The following CHL1 variants were observed in gnomAD, a reference collection of about 807,000 sequenced individuals.
The protein encoded by CHL1 is cell adhesion molecule L1 like, also known as neural cell adhesion molecule L1-like protein.
Under a neutral mutation model 141.9 loss-of-function variants are expected in CHL1, and 96 were observed. The observed-to-expected ratio is 0.68, with a 90% confidence interval of 0.57 to 0.80. The LOEUF (loss-of-function observed/expected upper bound fraction) is 0.80. Among genes scored for constraint, CHL1 ranks in the 30% least tolerant of loss-of-function variants. CHL1 has a pLI of 0.00. For missense variants in CHL1, 1,820 were observed against 1,457.2 expected, an observed-to-expected ratio of 1.25 and a Z score of -4.05; for synonymous variants, 613 against 502.2, an observed-to-expected ratio of 1.22 and a Z score of -2.95.
chr3:237,519 T>A (rs1046765592), intron 1 of CHL1, among the ~76,000 whole-genome samples: 2 of 152,110 alleles, frequency 1.3e-5, no homozygotes, highest in African/African-American at 2.4e-5. Flanking sequence ...CAGTATGGAG[T>A]CCTTTTCTCA....
intron 26 of CHL1, among the ~76,000 whole-genome samples, chr3:401,090 C>T (rs912062434): frequency 3.9e-5 from 6 of 151,912 alleles, no homozygotes; most frequent in Non-Finnish European, 8.8e-5. Context: ...TTAATAGAGA[C>T]AGGGTCTTGC....
At chr3:377,730 G>A (rs142569385) in intron 15 of CHL1, 88 bp from the exon 16 acceptor site, 6 of 1,147,266 alleles carry the variant, frequency 5.2e-6, no homozygotes, top group Middle Eastern at 2.2e-4. Flanking sequence ...GATTGTTTTC[G>A]ATAAGGAATA....
rs372700205 is a variant in CHL1 at position 275,189 on chromosome 3, G to T, written c.-95+30497G>T. On this transcript the variant is annotated intron_variant, in intron 2 of 27. Transcript: ENST00000256509. The stretch of plus-strand genomic sequence containing the variant: ...GTGAGTGATTGCCCAAGTGTACACA[G>T]CTGCTAAGTGGTAGGGGTCAGGCTC... Among the ~76,000 whole-genome samples, 244 of 152,342 alleles carry T rather than the reference G, an allele frequency of 1.6e-3. 1 individual carries two copies. The highest frequency in any genetic ancestry group is 5.6e-3 in the African/African-American group (234 of 41,582).
chr3:381,399 T>C (rs1231027948), intron 16 of CHL1, among the ~76,000 whole-genome samples: 1 of 152,144 alleles, frequency 6.6e-6, no homozygotes, highest in East Asian at 1.9e-4. Flanking sequence ...GGAAGACACT[T>C]ATCTGCAGGG....
At chr3:403,478 C>T (rs1426467154) in intron 27 of CHL1, among the ~76,000 whole-genome samples, 6 of 151,968 alleles carry the variant, frequency 3.9e-5, no homozygotes, top group South Asian at 2.1e-4. Flanking sequence ...ACTCAGGAGG[C>T]GGAGGTTGCA....
chr3:339,519 A>T (rs768538737), intron 5 of CHL1, among the ~76,000 whole-genome samples: 2 of 152,204 alleles, frequency 1.3e-5, no homozygotes, highest in African/African-American at 2.4e-5. Flanking sequence ...CCACTAAAGG[A>T]CTGTCACATG....
chr3:206,369 G>A (rs951195369), intron 1 of CHL1, among the ~76,000 whole-genome samples: 4 of 152,136 alleles, frequency 2.6e-5, no homozygotes, highest in African/African-American at 9.7e-5. Flanking sequence ...AGGAGGCTGA[G>A]GCAGGAGAAT....
chr3:278,059 T>C (rs1696313156), intron 2 of CHL1, among the ~76,000 whole-genome samples: 1 of 152,226 alleles, frequency 6.6e-6, no homozygotes, highest in Non-Finnish European at 1.5e-5. Context: ...TGCCCAGTAC[T>C]TCCTCAACTC....
At chr3:378,776 A>C (rs1388437956) in intron 16 of CHL1, among the ~76,000 whole-genome samples, 1 of 152,052 alleles carries the variant, frequency 6.6e-6, no homozygotes, top group Non-Finnish European at 1.5e-5. Flanking sequence ...GTCTCCTCAC[A>C]CCATTCCTTC....
intron 2 of CHL1, among the ~76,000 whole-genome samples, chr3:293,347 C>CA (rs1249618327): frequency 6.6e-6 from 1 of 151,866 alleles, no homozygotes; most frequent in Non-Finnish European, 1.5e-5. Flanking sequence ...ACTAAAAATA[C>CA]AAAAAATTAG....
intron 26 of CHL1, 34 bp from the exon 27 acceptor site, chr3:401,592 G>A: frequency 1.6e-6 from 2 of 1,243,668 alleles, no homozygotes; most frequent in South Asian, 1.2e-5. Flanking sequence ...AATGGTCACT[G>A]TATTACTTTT....
intron 15 of CHL1, among the ~76,000 whole-genome samples, chr3:371,339 G>T (rs4586791): frequency 0.26 from 39,064 of 152,012 alleles, 5,426 homozygotes; most frequent in East Asian, 0.43. Flanking sequence ...TGGTTGAATT[G>T]TTCCCTTTAC....
intron 10 of CHL1, among the ~76,000 whole-genome samples, chr3:350,159 CATT>C (rs1372186468): frequency 6.6e-6 from 1 of 152,144 alleles, no homozygotes; most frequent in Non-Finnish European, 1.5e-5. Flanking sequence ...AGTGCAAAAA[CATT>C]ATATTCAAGT....
Position 319,791 on chromosome 3 carries a change from A to G in CHL1, c.15A>G (p.Leu5=), listed in dbSNP as rs1393421698. The change falls in exon 3 of 28, where the codon TTA becomes TTG. Residue 5 remains leucine, a synonymous_variant. Coordinates refer to ENST00000256509, the MANE Select transcript of CHL1 (RefSeq NM_006614.4). ...CCTGAAGAGCAATGGAGCCGCTTTT[A>G]CTTGGAAGAGGACTAATCGTATATC... MEPL[L]LGRGLIVYLM... The G allele has an allele frequency of 6.3e-7, 1 of 1,595,978 alleles. No homozygotes were observed. The highest frequency in any genetic ancestry group is 8.6e-7 in the Non-Finnish European group (1 of 1,166,942).
intron 6 of CHL1, 103 bp downstream of exon 6, chr3:341,019 T>G: frequency 7.9e-7 from 1 of 1,272,218 alleles, no homozygotes; most frequent in Non-Finnish European, 1.1e-6. Flanking sequence ...TAAAGATCTC[T>G]TAATTTTTTC....
At chr3:246,645 A>C (rs1364734332) in intron 2 of CHL1, 1 of 152,100 alleles carries the variant, frequency 6.6e-6, no homozygotes, top group African/African-American at 2.4e-5. Context: ...AATAATCTTC[A>C]AGCTCTGATT....
chr3:276,664 C>A (rs12630204), intron 2 of CHL1, among the ~76,000 whole-genome samples: 9 of 151,624 alleles, frequency 5.9e-5, no homozygotes, highest in Admixed American at 2.6e-4. Context: ...CCGAGGGGGG[C>A]GGATCACGAG....
intron 2 of CHL1, among the ~76,000 whole-genome samples, chr3:314,329 G>GTGTGTA (rs1455318071): frequency 1.5e-4 from 10 of 65,330 alleles, no homozygotes; most frequent in African/African-American, 2.6e-4. Flanking sequence ...CTCTCTATGT[G>GTGTGTA]TATATATATA....
intron 12 of CHL1, 72 bp downstream of exon 12, chr3:360,496 G>A: frequency 1.4e-6 from 2 of 1,461,592 alleles, no homozygotes; most frequent in Admixed American, 1.9e-5. Flanking sequence ...GTTCAGAAGT[G>A]TATTAACTCT....
Sources: allele counts gnomAD v4.1 joint callset (sites outside exome capture counted in the v4.1 genomes callset), GRCh38; gene constraint gnomAD v4.1.1; transcripts MANE v1.5; gene names NCBI Gene and HGNC (gene_info 2026-07-23, HGNC 2026-07-21).